The following DGKB variants were observed in gnomAD, a reference collection of about 807,000 sequenced individuals.
DGKB encodes the protein diacylglycerol kinase beta, also known as 90 kDa diacylglycerol kinase.
In DGKB, 67 loss-of-function variants were observed where a neutral mutation model predicts 114.3. The ratio of observed to expected loss-of-function variants is 0.59; its 90% CI spans 0.48 to 0.72. The LOEUF (loss-of-function observed/expected upper bound fraction) is 0.72. Among genes scored for constraint, DGKB ranks in the 30% least tolerant of loss-of-function variants. The probability of loss-of-function intolerance (pLI) is 0.00; values close to 1 mark genes in which losing one functional copy is unlikely to be tolerated. For missense variants in DGKB, 907 were observed against 975.2 expected, an observed-to-expected ratio of 0.93 and a Z score of 0.93; for synonymous variants, 398 against 323.1, an observed-to-expected ratio of 1.23 and a Z score of -2.49.
chr7:14,459,611 C>A (rs1832782998), intron 21 of DGKB, among the ~76,000 whole-genome samples: 1 of 152,044 alleles, frequency 6.6e-6, no homozygotes, highest in African/African-American at 2.4e-5. Flanking sequence ...TGTAAAAAGA[C>A]CAAACCTACG....
intron 12 of DGKB, 37 bp downstream of exon 12, chr7:14,682,516 G>C (rs756913383): frequency 4.3e-6 from 6 of 1,392,630 alleles, no homozygotes; most frequent in Non-Finnish European, 6.1e-6. Context: ...CTTCAGTGTG[G>C]GTGAATGCTG....
intron 2 of DGKB, among the ~76,000 whole-genome samples, chr7:14,758,474 C>A (rs1345405217): frequency 6.6e-6 from 1 of 151,926 alleles, no homozygotes; most frequent in Non-Finnish European, 1.5e-5. Flanking sequence ...AATTACAACG[C>A]ATTTTTAAGT....
intron 1 of DGKB, among the ~76,000 whole-genome samples, chr7:14,962,119 G>A (rs1192490869): frequency 6.6e-6 from 1 of 152,114 alleles, no homozygotes; most frequent in Non-Finnish European, 1.5e-5. Context: ...TGACACAAGT[G>A]TATAATTCTC....
At chr7:14,648,005 G>C (rs553980606) in intron 13 of DGKB, among the ~76,000 whole-genome samples, 2 of 152,256 alleles carry the variant, frequency 1.3e-5, no homozygotes, top group Non-Finnish European at 2.9e-5. Context: ...CGCCCACGGA[G>C]TCTCGCTGAT....
At chr7:14,487,082 G>A (rs778965553) in intron 20 of DGKB, among the ~76,000 whole-genome samples, 2 of 152,112 alleles carry the variant, frequency 1.3e-5, no homozygotes, top group Non-Finnish European at 2.9e-5. Flanking sequence ...TACCGTGGTG[G>A]GCAGAGTGTG....
chr7:14,940,737 A>T (rs1441527712), intron 1 of DGKB, among the ~76,000 whole-genome samples: 2 of 152,082 alleles, frequency 1.3e-5, no homozygotes, highest in South Asian at 2.1e-4. Flanking sequence ...TATCAAAACC[A>T]ACTATAATTT....
At chr7:14,798,490 T>C (rs1479155560) in intron 2 of DGKB, among the ~76,000 whole-genome samples, 2 of 152,222 alleles carry the variant, frequency 1.3e-5, no homozygotes, top group Admixed American at 6.5e-5. Flanking sequence ...CCTTTACATG[T>C]TGATAAATTT....
rs372744178 is a variant in DGKB at position 14,533,780 on chromosome 7, T to C, written c.1770+40432A>G. On this transcript the variant is annotated intron_variant, in intron 20 of 25. Transcript: ENST00000402815. ...GGGTGGAGTGATACATTCAAAGTAC[T>C]GAAAGCAAAAAATTGTCAACCAAAA... Among the ~76,000 whole-genome samples, 25 of 152,006 alleles carry C rather than the reference T, an allele frequency of 1.6e-4. 1 individual carries two copies. The highest frequency in any genetic ancestry group is 7.4e-5 in the Non-Finnish European group (5 of 67,824).
chr7:14,616,315 G>T (rs1323354940), intron 15 of DGKB, among the ~76,000 whole-genome samples: 1 of 150,634 alleles, frequency 6.6e-6, no homozygotes, highest in Non-Finnish European at 1.5e-5. Flanking sequence ...CTATTATTGG[G>T]ACAACTGATG....
intron 5 of DGKB, among the ~76,000 whole-genome samples, chr7:14,719,939 G>A (rs1373638999): frequency 6.6e-6 from 1 of 152,110 alleles, no homozygotes; most frequent in Non-Finnish European, 1.5e-5. Context: ...ACAGATTAGG[G>A]ACCGTCTTAC....
At chr7:14,483,584 C>T (rs1783318209) in intron 20 of DGKB, among the ~76,000 whole-genome samples, 1 of 152,102 alleles carries the variant, frequency 6.6e-6, no homozygotes. Flanking sequence ...TGACTGTGAT[C>T]CCTAAACATA....
At chr7:14,209,330 G>C (rs1161701746) in intron 23 of DGKB, 1 of 317,250 alleles carries the variant, frequency 3.2e-6, no homozygotes, top group East Asian at 1.1e-4. Context: ...CCTTTTCATA[G>C]AGAGATATAT....
chr7:14,924,458 G>A (rs1415345372), intron 1 of DGKB, among the ~76,000 whole-genome samples: 4 of 151,924 alleles, frequency 2.6e-5, no homozygotes, highest in African/African-American at 9.7e-5. Context: ...TTCCTCTGTG[G>A]TACTTTTGTT....
intron 23 of DGKB, among the ~76,000 whole-genome samples, chr7:14,251,322 T>A (rs1270064571): frequency 3.4e-5 from 5 of 148,618 alleles, no homozygotes; most frequent in Admixed American, 3.4e-4. Context: ...GGGGATGATT[T>A]AAAATATCTT....
chr7:14,292,696 C>T (rs903825890), intron 23 of DGKB, among the ~76,000 whole-genome samples: 11 of 152,238 alleles, frequency 7.2e-5, no homozygotes, highest in African/African-American at 2.6e-4. Flanking sequence ...GCTGCTACCC[C>T]AAGAAAACCA....
At chr7:14,210,954 C>T (rs1054696805) in intron 23 of DGKB, among the ~76,000 whole-genome samples, 1 of 152,036 alleles carries the variant, frequency 6.6e-6, no homozygotes, top group Non-Finnish European at 1.5e-5. Flanking sequence ...TCCTTGCCAT[C>T]TGAATATATT....
intron 1 of DGKB, among the ~76,000 whole-genome samples, chr7:14,842,337 C>T (rs1413079652): frequency 6.6e-6 from 1 of 152,140 alleles, no homozygotes; most frequent in Non-Finnish European, 1.5e-5. Flanking sequence ...ATATCAACCC[C>T]AGGACCTCAC....
chr7:14,758,005 G>A (rs1835138158), intron 2 of DGKB, among the ~76,000 whole-genome samples: 4 of 152,084 alleles, frequency 2.6e-5, no homozygotes, highest in African/African-American at 9.7e-5. Flanking sequence ...TCCATTTAGA[G>A]GGACGCTATA....
intron 23 of DGKB, among the ~76,000 whole-genome samples, chr7:14,214,512 A>G (rs1788648347): frequency 6.6e-6 from 1 of 152,100 alleles, no homozygotes; most frequent in African/African-American, 2.4e-5. Flanking sequence ...ATTATATGGT[A>G]CTTATTTCTG....
Sources: gnomAD v4.1 joint callset for allele counts (sites outside exome capture counted in the v4.1 genomes callset) on GRCh38, gnomAD v4.1.1 for gene constraint, MANE v1.5 for transcripts, NCBI Gene and HGNC (gene_info 2026-07-23, HGNC 2026-07-21) for gene names.